TMEM179: variants seen among roughly 807,000 people sequenced by gnomAD.
The protein encoded by TMEM179 is transmembrane protein 179A.
A neutral mutation model predicts 22.2 loss-of-function variants in TMEM179; 17 were observed. The observed-to-expected ratio is 0.77, with a 90% CI of 0.52 to 1.15. TMEM179 has a LOEUF of 1.15. Among genes scored for constraint, TMEM179 ranks in the 50% most tolerant of loss-of-function variants. TMEM179 has a pLI of 0.00. For synonymous variants in TMEM179, 127 were observed against 140.5 expected (o/e 0.90, Z 0.68); for missense variants, 265 against 313.6 (o/e 0.84, Z 1.17).
rs1887095064 is a variant in TMEM179, at chr14:104,597,940, G to A, written c.306-813C>T. 6.6e-6 allele frequency among the ~76,000 whole-genome samples: 1 copy of A among 152,234 alleles called. No homozygotes were observed. Among genetic ancestry groups the A allele is most frequent in the Admixed American group, 6.5e-5 (1 of 15,290 alleles). ...GGGCCAGAGCATGGGGAGCGCAGGA[G>A]GCAGGGCCATGAGGAAGGAGCTCAC... On this transcript the variant is annotated intron_variant, in intron 1 of 3. Transcript: ENST00000556573. The surrounding 1 kb of genome is among the most constrained non-coding windows in gnomAD (Gnocchi z 4.8).
At position 104,595,867 on chromosome 14, in the gene TMEM179, C is replaced by T. The variant is rs1018774033; in HGVS notation, c.444-624G>A. 6.6e-6 allele frequency among the ~76,000 whole-genome samples: 1 copy of T among 152,260 alleles called. No individual in the cohort carries two copies. Among genetic ancestry groups the T allele is most frequent in the Non-Finnish European group, 1.5e-5 (1 of 68,050 alleles). ...CAACATAAAACGTGAAGCCAGGACA[C>T]ATTGACAGGAGCAGGGTGCCAGAAA... On this transcript the variant is annotated intron_variant, in intron 2 of 3. Coordinates refer to ENST00000556573, the MANE Select transcript of TMEM179 (RefSeq NM_001286389.2). The surrounding 1 kb of genome is among the most constrained non-coding windows in gnomAD (Gnocchi z 5.7).
Position 104,591,669 on chromosome 14 carries a change from T to C in TMEM179, c.*1810A>G. On this transcript the variant is annotated 3_prime_UTR_variant, in exon 4 of 4. Transcript: ENST00000556573. ...CAGGATGATGCCCCCACCAGGACCC[T>C]CCATGTGGACCCAGGCACGTGGCCT... 1 of 319,260 alleles carries C rather than the reference T, an allele frequency of 3.1e-6. No individual in the cohort carries two copies. Among genetic ancestry groups the C allele is most frequent in the Non-Finnish European group, 6.1e-6 (1 of 163,152 alleles). 19.8% of individuals were successfully genotyped at this position (319,260 alleles called of 1,614,324 possible).
At position 104,593,347 on chromosome 14, in the gene TMEM179, C is replaced by T. The variant is rs983339206; in HGVS notation, c.*132G>A. 29 of 1,126,508 alleles carry T rather than the reference C, an allele frequency of 2.6e-5. No homozygotes were observed. The highest frequency in any genetic ancestry group is 3.5e-5 in the Non-Finnish European group (28 of 793,962). The allele number at this position is 1,126,508 out of a possible 1,614,324, so 69.8% of individuals were successfully genotyped here. A position where few individuals can be genotyped will look rare whatever the true frequency, so the allele number is the denominator to read the frequency against. On this transcript the variant is annotated 3_prime_UTR_variant, in exon 4 of 4. Coordinates refer to ENST00000556573, the MANE Select transcript of TMEM179 (RefSeq NM_001286389.2). ...GGGGCGCTCACCTCACTACACGTGG[C>T]GTCGAGGGGACACACGCAGGGCTGC...
At chr14:104,594,131 C>T (rs896402330) in intron 3 of TMEM179, 3 of 1,231,944 alleles carry the variant, frequency 2.4e-6, no homozygotes, top group African/African-American at 3.1e-5. Context: ...GCCTGAGCTA[C>T]ATTAAGCTGA....
chr14:104,596,015 G>A (rs1050889646), intron 2 of TMEM179, among the ~76,000 whole-genome samples: 4 of 152,360 alleles, frequency 2.6e-5, no homozygotes, highest in East Asian at 1.9e-4. Context: ...CAGGTGGCCC[G>A]AGCCAGCAGG....
chr14:104,596,788 C>T (rs1713334844), intron 2 of TMEM179, among the ~76,000 whole-genome samples: 3 of 152,104 alleles, frequency 2.0e-5, no homozygotes, highest in South Asian at 4.1e-4. Flanking sequence ...GCTCCTAGGG[C>T]GGGAAGGTGT....
Position 104,598,209 on chromosome 14 carries a change from C to T in TMEM179, c.306-1082G>A, listed in dbSNP as rs190534264. Reference sequence around the variant, plus strand: ...CAGCCTGGAATGCACACGGAGGCTCCGGGGGGTAGGGAGAGGGGGTAGGGA... The same window carrying T: ...CAGCCTGGAATGCACACGGAGGCTCTGGGGGGTAGGGAGAGGGGGTAGGGA... On this transcript the variant is annotated intron_variant, in intron 1 of 3. Coordinates refer to ENST00000556573, the MANE Select transcript of TMEM179 (RefSeq NM_001286389.2). 3.3e-3 allele frequency among the ~76,000 whole-genome samples: 509 copies of T among 152,136 alleles called. 4 individuals carry two copies. The highest frequency in any genetic ancestry group is 0.011 in the African/African-American group (477 of 41,500).
Position 104,597,216 on chromosome 14 carries a change from C to A in TMEM179, c.306-89G>T. On this transcript the variant is annotated intron_variant, in intron 1 of 3. Transcript: ENST00000556573. This position sits in a 1 kb window ranked among gnomAD's most constrained non-coding sequence, Gnocchi z 4.8. Reference sequence around the variant, plus strand: ...AGGCTGCAGCCAGAAACAGGAGGGGCAGGCTCACTGGACGCCATCTCCTGG... The same window carrying A: ...AGGCTGCAGCCAGAAACAGGAGGGGAAGGCTCACTGGACGCCATCTCCTGG... 6.7e-7 allele frequency: 1 copy of A among 1,484,678 alleles called. No individual in the cohort carries two copies. The highest frequency in any genetic ancestry group is 1.3e-5 in the South Asian group (1 of 77,038). The allele number at this position is 1,484,678 out of a possible 1,614,324, so 92.0% of individuals were successfully genotyped here. A position where few individuals can be genotyped will look rare whatever the true frequency, so the allele number is the denominator to read the frequency against.
intron 2 of TMEM179, 100 bp downstream of exon 2, chr14:104,596,890 A>G: frequency 3.4e-6 from 5 of 1,476,838 alleles, no homozygotes; most frequent in Non-Finnish European, 4.6e-6. Flanking sequence ...CCGCAGACTC[A>G]GGATGGGCTT....
At chr14:104,598,595 T>C (rs904925909) in intron 1 of TMEM179, among the ~76,000 whole-genome samples, 1 of 152,040 alleles carries the variant, frequency 6.6e-6, no homozygotes, top group African/African-American at 2.4e-5. Context: ...GAGGGCAGAG[T>C]GATACAAAAG....
intron 1 of TMEM179, among the ~76,000 whole-genome samples, chr14:104,603,876 C>T (rs1002870539): frequency 6.6e-6 from 1 of 152,204 alleles, no homozygotes; most frequent in African/African-American, 2.4e-5. Flanking sequence ...AGGCGCTGAG[C>T]CCACAAGGCA....
At position 104,595,434 on chromosome 14, in the gene TMEM179, G is replaced by A. The variant is rs190112115; in HGVS notation, c.444-191C>T. Among the ~76,000 whole-genome samples the A allele has an allele frequency of 3.3e-3, 503 of 152,284 alleles. 4 individuals are homozygous for A. Among genetic ancestry groups the A allele is most frequent in the African/African-American group, 0.011 (473 of 41,558 alleles). On this transcript the variant is annotated intron_variant, in intron 2 of 3. Coordinates refer to ENST00000556573, the MANE Select transcript of TMEM179 (RefSeq NM_001286389.2). The surrounding 1 kb of genome is among the most constrained non-coding windows in gnomAD (Gnocchi z 5.7). ...TCCTCCATGGAGCAGGACAGCCTTT[G>A]GGGAAGGAAACCTCCAGGCCCCTCC...
intron 1 of TMEM179, among the ~76,000 whole-genome samples, chr14:104,598,838 G>T (rs1038244303): frequency 6.6e-6 from 1 of 152,234 alleles, no homozygotes; most frequent in Non-Finnish European, 1.5e-5. Flanking sequence ...TCCCAGACAA[G>T]GGGAGAGGAC....
rs767479816 is a variant in TMEM179, at chr14:104,595,260, T to C, written c.444-17A>G. The C allele has an allele frequency of 1.2e-6, 2 of 1,610,334 alleles. No homozygotes were observed. Among genetic ancestry groups the C allele is most frequent in the African/African-American group, 1.3e-5 (1 of 74,920 alleles). ...TCTTCACAGCTAAAACAGCAGGACA[T>C]AGGGTGGAGGGTGACCACCAGGACA... On this transcript the variant is annotated splice_polypyrimidine_tract_variant and intron_variant, in intron 2 of 3. Transcript: ENST00000556573. This position sits in a 1 kb window ranked among gnomAD's most constrained non-coding sequence, Gnocchi z 5.7.
chr14:104,593,265 T>A lies in TMEM179; in HGVS notation c.*214A>T. 1.6e-6 allele frequency: 1 copy of A among 610,912 alleles called. No individual in the cohort carries two copies. The highest frequency in any genetic ancestry group is 2.9e-5 in the East Asian group (1 of 34,812). The allele number at this position is 610,912 out of a possible 1,614,324, so 37.8% of individuals were successfully genotyped here. A position where few individuals can be genotyped will look rare whatever the true frequency, so the allele number is the denominator to read the frequency against. On this transcript the variant is annotated 3_prime_UTR_variant, in exon 4 of 4. Transcript: ENST00000556573. ...CCACACCCATAGTCTCTCTGCACCA[T>A]CCTCATCAGGGAGCCGGCACCCACC...
At position 104,592,047 on chromosome 14, in the gene TMEM179, T is replaced by A. The variant is rs1382058559; in HGVS notation, c.*1432A>T. On this transcript the variant is annotated 3_prime_UTR_variant, in exon 4 of 4. Coordinates refer to ENST00000556573, the MANE Select transcript of TMEM179 (RefSeq NM_001286389.2). ...GCCTCAGCACACAGACTCTGCAGAATGGGAAGGCAGCTCCCTCCTCTCTCA... is the reference window on the plus strand; with the variant it reads ...GCCTCAGCACACAGACTCTGCAGAAAGGGAAGGCAGCTCCCTCCTCTCTCA... The A allele has an allele frequency of 6.5e-6, 1 of 154,446 alleles. No homozygotes were observed. Among genetic ancestry groups the A allele is most frequent in the African/African-American group, 2.4e-5 (1 of 41,402 alleles). 9.6% of individuals were successfully genotyped at this position (154,446 alleles called of 1,614,324 possible). A position where few individuals can be genotyped will look rare whatever the true frequency, so the allele number is the denominator to read the frequency against.
intron 3 of TMEM179, chr14:104,594,454 C>T: frequency 8.1e-7 from 1 of 1,231,802 alleles, no homozygotes; most frequent in South Asian, 4.1e-5. Flanking sequence ...TCTCAGCCAC[C>T]CCCACCCGGC....
chr14:104,602,716 C>T (rs183051400), intron 1 of TMEM179, among the ~76,000 whole-genome samples: 1 of 152,314 alleles, frequency 6.6e-6, no homozygotes, highest in East Asian at 1.9e-4. Context: ...CTGCGCCCGG[C>T]CTGACCCCAC....
At chr14:104,598,789 A>AC (rs1433043318) in intron 1 of TMEM179, among the ~76,000 whole-genome samples, 9 of 151,982 alleles carry the variant, frequency 5.9e-5, no homozygotes, top group African/African-American at 1.9e-4. Context: ...CAGCAGAACC[A>AC]CCCCCCAGGA....
Sources: gnomAD v4.1 joint callset for allele counts (sites outside exome capture counted in the v4.1 genomes callset) on GRCh38, gnomAD v4.1.1 for gene constraint, Gnocchi (gnomAD v3.1) non-coding constraint, MANE v1.5 for transcripts, NCBI Gene and HGNC (gene_info 2026-07-23, HGNC 2026-07-21) for gene names.